FGD4: variants seen among roughly 807,000 people sequenced by gnomAD.
The protein encoded by FGD4 is FYVE, RhoGEF and PH domain-containing protein 4.
Under a neutral mutation model 102.0 loss-of-function variants are expected in FGD4, and 42 were observed. The ratio of observed to expected loss-of-function variants is 0.41; its 90% CI spans 0.32 to 0.53. FGD4 has a LOEUF of 0.53. Ranked by LOEUF, FGD4 falls within the 20% of genes least tolerant of loss-of-function variation. The pLI is 0.21. For missense variants in FGD4, 902 were observed against 1,078.2 expected (o/e 0.84, Z 2.29); for synonymous variants, 380 against 375.7 (o/e 1.01, Z -0.13).
intron 1 of FGD4, among the ~76,000 whole-genome samples, chr12:32,453,126 G>T (rs1942827466): frequency 6.9e-6 from 1 of 144,638 alleles, no homozygotes; most frequent in Non-Finnish European, 1.5e-5. Context: ...CATCCAAATA[G>T]TTTTATGTAA....
intron 1 of FGD4, among the ~76,000 whole-genome samples, chr12:32,419,212 G>C (rs78742045): frequency 0.062 from 9,503 of 152,198 alleles, 418 homozygotes; most frequent in Middle Eastern, 0.14. Flanking sequence ...TACCTGAGGT[G>C]CAAGACAGAG....
intron 1 of FGD4, among the ~76,000 whole-genome samples, chr12:32,558,316 C>T (rs1274997258): frequency 6.6e-6 from 1 of 152,104 alleles, no homozygotes; most frequent in Admixed American, 6.6e-5. Flanking sequence ...CCATAAAGAT[C>T]GTCTACCCTA....
In FGD4 at chr12:32,607,942, C is replaced by T. The variant is rs1011861783; in HGVS notation, c.1405-15C>T. On this transcript the variant is annotated splice_polypyrimidine_tract_variant and intron_variant, in intron 7 of 16. Transcript: ENST00000534526. The stretch of plus-strand genomic sequence containing the variant: ...TAATTTTTAAATGTTTCTTAGAAAA[C>T]CTTTCTCATTACAGAAACAGAAAAT... 6.2e-7 allele frequency: 1 copy of T among 1,613,962 alleles called. No homozygotes were observed. Among genetic ancestry groups the T allele is most frequent in the Admixed American group, 1.7e-5 (1 of 59,984 alleles).
chr12:32,409,191 A>G (rs78634267), intron 1 of FGD4, among the ~76,000 whole-genome samples: 9,528 of 152,092 alleles, frequency 0.063, 427 homozygotes, highest in Middle Eastern at 0.15. Flanking sequence ...TTCATTTCAC[A>G]TTGAATGTTT....
chr12:32,582,798 C>G, intron 4 of FGD4: 1 of 296,840 alleles, frequency 3.4e-6, no homozygotes, highest in East Asian at 7.5e-5. Context: ...GGTGCTGTAT[C>G]CCTAATACTT....
At chr12:32,623,904 G>A (rs1949995428) in intron 11 of FGD4, among the ~76,000 whole-genome samples, 1 of 152,112 alleles carries the variant, frequency 6.6e-6, no homozygotes, top group African/African-American at 2.4e-5. Flanking sequence ...TATCTAAAAT[G>A]GGGTTAGGTT....
chr12:32,443,776 TAA>T (rs141746554), intron 1 of FGD4, among the ~76,000 whole-genome samples: 3 of 143,174 alleles, frequency 2.1e-5, no homozygotes, highest in African/African-American at 2.6e-5. Flanking sequence ...TCTTTCTCTT[TAA>T]AAAAAAAAAG....
chr12:32,528,320 C>T (rs4520681), intron 1 of FGD4, among the ~76,000 whole-genome samples: 37,599 of 152,164 alleles, frequency 0.25, 5,397 homozygotes, highest in Middle Eastern at 0.44. Flanking sequence ...ACCCTCATAT[C>T]GAAATCTGCT....
At chr12:32,620,692 A>AT (rs1949779642) in intron 11 of FGD4, among the ~76,000 whole-genome samples, 2 of 109,024 alleles carry the variant, frequency 1.8e-5, no homozygotes. Flanking sequence ...ACACCTGGCT[A>AT]ATTTTTTTTT....
chr12:32,405,064 G>A (rs895770239), intron 1 of FGD4, among the ~76,000 whole-genome samples: 10 of 151,970 alleles, frequency 6.6e-5, no homozygotes, highest in Non-Finnish European at 1.5e-4. Context: ...CTCCAGAGTA[G>A]CTGGGACTAC....
rs544688112 is a variant in FGD4 at position 32,400,067 on chromosome 12, A to G, written c.166+108A>G. The G allele has an allele frequency of 5.8e-5, 79 of 1,373,172 alleles. 1 individual carries two copies. In the South Asian group the frequency reaches 1.2e-3, roughly 21 times the overall value. The allele number at this position is 1,373,172 out of a possible 1,614,324, so 85.1% of individuals were successfully genotyped here. On this transcript the variant is annotated intron_variant, in intron 1 of 16. Transcript: ENST00000534526. ...CCCTCTCGTCCCCCGCTGCGGAGGT[A>G]ACTGGTTCGGGAGGTTCATTGTGGA...
intron 1 of FGD4, among the ~76,000 whole-genome samples, chr12:32,474,492 G>A (rs1565762415): frequency 6.6e-6 from 1 of 152,208 alleles, no homozygotes; most frequent in Non-Finnish European, 1.5e-5. Flanking sequence ...AGTCACAAAA[G>A]ACCATGTGTT....
At chr12:32,523,520 A>G (rs1198511673) in intron 1 of FGD4, among the ~76,000 whole-genome samples, 2 of 152,216 alleles carry the variant, frequency 1.3e-5, no homozygotes, top group Non-Finnish European at 2.9e-5. Flanking sequence ...CATGGTAGGT[A>G]TGGATGAAAG....
chr12:32,588,582 C>G (rs898008361), intron 4 of FGD4, among the ~76,000 whole-genome samples: 1 of 146,414 alleles, frequency 6.8e-6, no homozygotes, highest in Admixed American at 6.9e-5. Flanking sequence ...AAGAAGTCCT[C>G]CAGGTGCAAG....
intron 3 of FGD4, 100 bp downstream of exon 3, chr12:32,576,549 C>T: frequency 7.4e-7 from 1 of 1,345,166 alleles, no homozygotes; most frequent in Non-Finnish European, 1.0e-6. Flanking sequence ...AGCATAATAT[C>T]TTATTCCATT....
At chr12:32,538,504 C>A (rs1942504869) in intron 1 of FGD4, among the ~76,000 whole-genome samples, 2 of 152,088 alleles carry the variant, frequency 1.3e-5, no homozygotes, top group Non-Finnish European at 2.9e-5. Context: ...AGCAGCATGT[C>A]AATAATGAGT....
chr12:32,614,992 G>A (rs1402017213), intron 10 of FGD4, among the ~76,000 whole-genome samples: 3 of 152,128 alleles, frequency 2.0e-5, no homozygotes, highest in Non-Finnish European at 4.4e-5. Context: ...CAAGAAAATT[G>A]AAAACATGTG....
At chr12:32,443,280 C>T (rs1942503641) in intron 1 of FGD4, among the ~76,000 whole-genome samples, 1 of 152,210 alleles carries the variant, frequency 6.6e-6, no homozygotes. Context: ...GTTCCAGCTA[C>T]TTGAGAAGAT....
chr12:32,520,557 T>G (rs1415620354), intron 1 of FGD4, among the ~76,000 whole-genome samples: 1 of 151,472 alleles, frequency 6.6e-6, no homozygotes, highest in African/African-American at 2.4e-5. Context: ...TCCCTCAGCC[T>G]CCTGAGTAGC....
Sources: gnomAD v4.1 joint callset for allele counts (sites outside exome capture counted in the v4.1 genomes callset) on GRCh38, gnomAD v4.1.1 for gene constraint, MANE v1.5 for transcripts, NCBI Gene and HGNC (gene_info 2026-07-23, HGNC 2026-07-21) for gene names.